The following DLG2 variants were observed in gnomAD, a reference collection of about 807,000 sequenced individuals.
DLG2 encodes the protein disks large homolog 2.
Under a neutral mutation model 132.5 loss-of-function variants are expected in DLG2, and 45 were observed. The observed-to-expected ratio is 0.34, with a 90% CI of 0.27 to 0.44. The LOEUF is 0.44. DLG2 is among the 20% of genes least tolerant of loss of function. The probability of loss-of-function intolerance (pLI) is 1.00; values close to 1 mark genes in which losing one functional copy is unlikely to be tolerated. For synonymous variants in DLG2, 424 were observed against 419.6 expected (o/e 1.01, Z -0.13); for missense variants, 1,045 against 1,196.9 (o/e 0.87, Z 1.87).
At chr11:84,869,242 T>C (rs1295295188) in intron 6 of DLG2, among the ~76,000 whole-genome samples, 1 of 152,190 alleles carries the variant, frequency 6.6e-6, no homozygotes, top group Non-Finnish European at 1.5e-5. Context: ...AGTCATTACG[T>C]GGTAGCTACT....
At chr11:83,932,007 G>A (rs1026532148) in intron 14 of DLG2, among the ~76,000 whole-genome samples, 3 of 152,062 alleles carry the variant, frequency 2.0e-5, no homozygotes, top group Admixed American at 6.6e-5. Flanking sequence ...TACATTCACT[G>A]GCTAAAGAAT....
At chr11:83,909,215 T>C (rs752240404) in intron 15 of DLG2, among the ~76,000 whole-genome samples, 44 of 152,240 alleles carry the variant, frequency 2.9e-4, no homozygotes, top group Admixed American at 1.0e-3. Flanking sequence ...CATTTATTAC[T>C]AAGTTGCTAC....
intron 17 of DLG2, among the ~76,000 whole-genome samples, chr11:83,826,911 T>G (rs1331061283): frequency 6.6e-6 from 1 of 152,122 alleles, no homozygotes; most frequent in Non-Finnish European, 1.5e-5. Context: ...CACTGAGATG[T>G]GGAGATGAGA....
chr11:83,630,182 C>T (rs1215596256), intron 19 of DLG2, among the ~76,000 whole-genome samples: 3 of 152,082 alleles, frequency 2.0e-5, no homozygotes, highest in African/African-American at 7.2e-5. Flanking sequence ...GTGCTGGTTA[C>T]CACTCCCTTC....
chr11:84,712,339 G>A (rs2060540673), intron 6 of DLG2, among the ~76,000 whole-genome samples: 1 of 152,036 alleles, frequency 6.6e-6, no homozygotes, highest in Non-Finnish European at 1.5e-5. Flanking sequence ...AGACCTTGAA[G>A]TGGCAAGTAT....
chr11:85,517,417 A>G (rs73499134), intron 3 of DLG2, among the ~76,000 whole-genome samples: 1,601 of 152,236 alleles, frequency 0.011, 27 homozygotes, highest in African/African-American at 0.036. Context: ...ACACAATACT[A>G]GAAGTCCTAG....
chr11:83,548,942 C>A (rs1302379295), intron 19 of DLG2, among the ~76,000 whole-genome samples: 1 of 152,148 alleles, frequency 6.6e-6, no homozygotes, highest in African/African-American at 2.4e-5. Context: ...CAGACCAAGT[C>A]TCAGCACAGA....
At chr11:84,978,902 T>C (rs1448070744) in intron 6 of DLG2, among the ~76,000 whole-genome samples, 1 of 152,092 alleles carries the variant, frequency 6.6e-6, no homozygotes, top group Non-Finnish European at 1.5e-5. Context: ...GGAAAATTTT[T>C]GCAATCTACT....
intron 7 of DLG2, among the ~76,000 whole-genome samples, chr11:84,403,874 A>C (rs1025386495): frequency 6.6e-6 from 1 of 152,164 alleles, no homozygotes; most frequent in Non-Finnish European, 1.5e-5. Flanking sequence ...CTATTCCTGC[A>C]TACTGGAATC....
At chr11:83,874,518 C>A (rs201406149) in intron 15 of DLG2, 30 bp from the exon 16 acceptor site, 2 of 1,526,732 alleles carry the variant, frequency 1.3e-6, no homozygotes, top group Non-Finnish European at 1.8e-6. Flanking sequence ...AAACACACAT[C>A]ATTTATTTAT....
intron 2 of DLG2, among the ~76,000 whole-genome samples, chr11:85,601,288 A>G (rs1005042319): frequency 6.6e-6 from 1 of 151,956 alleles, no homozygotes; most frequent in African/African-American, 2.4e-5. Flanking sequence ...GATTACAGGC[A>G]TGAGCCACCA....
chr11:84,356,898 G>C (rs2098616192), intron 7 of DLG2, among the ~76,000 whole-genome samples: 1 of 151,996 alleles, frequency 6.6e-6, no homozygotes, highest in Non-Finnish European at 1.5e-5. Flanking sequence ...AATATTTGGA[G>C]GGGACTATTC....
At chr11:84,863,532 C>T (rs990151862) in intron 6 of DLG2, among the ~76,000 whole-genome samples, 2 of 152,102 alleles carry the variant, frequency 1.3e-5, no homozygotes, top group African/African-American at 2.4e-5. Flanking sequence ...CCTTTACTCT[C>T]TCATTACACC....
At chr11:83,687,499 A>G (rs760627549) in intron 18 of DLG2, among the ~76,000 whole-genome samples, 2 of 152,154 alleles carry the variant, frequency 1.3e-5, no homozygotes, top group African/African-American at 4.8e-5. Flanking sequence ...TTTTTCATTG[A>G]GCTAAAATGA....
chr11:85,347,692 A>AT (rs1021439937), intron 3 of DLG2, among the ~76,000 whole-genome samples: 1 of 150,128 alleles, frequency 6.7e-6, no homozygotes, highest in Non-Finnish European at 1.5e-5. Context: ...TTGTCAGTTG[A>AT]TTTTTTAGCA....
rs140156197 is a variant in DLG2 at position 84,879,436 on chromosome 11, G to A, written c.357+232225C>T. 2.6e-3 allele frequency among the ~76,000 whole-genome samples: 397 copies of A among 152,236 alleles called. 2 individuals carry two copies. Among genetic ancestry groups the A allele is most frequent in the African/African-American group, 9.3e-3 (387 of 41,540 alleles). On this transcript the variant is annotated intron_variant, in intron 6 of 27. Transcript: ENST00000376104. ...TTTTACAAAACTATAGGTTGGAAGG[G>A]CATTTAAGCTTATGTATTCAGGACA...
At chr11:84,337,125 C>T (rs945634253) in intron 7 of DLG2, among the ~76,000 whole-genome samples, 3 of 152,160 alleles carry the variant, frequency 2.0e-5, no homozygotes, top group African/African-American at 7.2e-5. Context: ...TTATTCAACT[C>T]TACAAGCTTC....
At chr11:84,103,537 G>A (rs1301390023) in intron 9 of DLG2, among the ~76,000 whole-genome samples, 1 of 152,164 alleles carries the variant, frequency 6.6e-6, no homozygotes, top group South Asian at 2.1e-4. Flanking sequence ...GTGGGCTGCT[G>A]TGTCCTTGCA....
intron 7 of DLG2, among the ~76,000 whole-genome samples, chr11:84,297,833 T>C (rs1377772334): frequency 2.0e-5 from 3 of 152,080 alleles, no homozygotes; most frequent in Non-Finnish European, 2.9e-5. Context: ...CCTTCTTCTA[T>C]TATAATAACT....
Sources: gnomAD v4.1 joint callset for allele counts (sites outside exome capture counted in the v4.1 genomes callset) on GRCh38, gnomAD v4.1.1 for gene constraint, MANE v1.5 for transcripts, NCBI Gene and HGNC (gene_info 2026-07-23, HGNC 2026-07-21) for gene names.